KIF13A: variants seen among roughly 807,000 people sequenced by gnomAD.
The protein encoded by KIF13A is kinesin-like protein KIF13A.
KIF13A carries 79 observed loss-of-function variants against 212.2 expected under a neutral mutation model. The ratio of observed to expected loss-of-function variants is 0.37; its 90% CI spans 0.31 to 0.45. The LOEUF is 0.45. KIF13A is among the 20% of genes least tolerant of loss of function. KIF13A has a pLI of 1.00. For missense variants in KIF13A, 1,901 were observed against 2,209.0 expected, an observed-to-expected ratio of 0.86 and a Z score of 2.79; for synonymous variants, 789 against 808.6, an observed-to-expected ratio of 0.98 and a Z score of 0.41.
At chr6:17,910,444 T>A (rs1273420827) in intron 2 of KIF13A, among the ~76,000 whole-genome samples, 1 of 152,206 alleles carries the variant, frequency 6.6e-6, no homozygotes, top group Non-Finnish European at 1.5e-5. Context: ...ACAGCTTGAA[T>A]TTTTGAGTAC....
chr6:17,800,064 G>C lies in KIF13A; in HGVS notation c.2504C>G (p.Pro835Arg), dbSNP rs1369130811. ...VEVMRVTGAVPERVVEDDSSE... is the reference protein window; with the variant it reads ...VEVMRVTGAVRERVVEDDSSE... ...AGAGTCATCCTCCACCACACGCTCTGGAACAGCTCCTGTAACACGCATCAC... is the reference window on the plus strand; with the variant it reads ...AGAGTCATCCTCCACCACACGCTCTCGAACAGCTCCTGTAACACGCATCAC... Residue 835 changes from proline (P) to arginine (R), a missense_variant, in exon 21 of 39, where the codon CCA (proline) becomes CGA (arginine). Pro to Arg is a moderately radical substitution (Grantham distance 103, BLOSUM62 -2). This residue lies in a region of KIF13A where 534 missense variants were observed against 536.9 expected (regional missense o/e 0.99). Coordinates refer to ENST00000259711, the MANE Select transcript of KIF13A (RefSeq NM_022113.6). 1 of 1,613,934 alleles carries C rather than the reference G, an allele frequency of 6.2e-7. No individual in the cohort carries two copies. The highest frequency in any genetic ancestry group is 1.7e-5 in the Admixed American group (1 of 60,012).
intron 2 of KIF13A, among the ~76,000 whole-genome samples, chr6:17,986,692 T>C (rs1206150254): frequency 6.6e-6 from 1 of 152,154 alleles, no homozygotes; most frequent in East Asian, 1.9e-4. Flanking sequence ...AACAATAAGG[T>C]CGTGGGCTGG....
rs921490093 is a variant in KIF13A at position 17,786,694 on chromosome 6, T to C, written c.3362-1053A>G. Among the ~76,000 whole-genome samples the C allele has an allele frequency of 1.3e-5, 2 of 152,210 alleles. No individual in the cohort carries two copies. Among genetic ancestry groups the C allele is most frequent in the African/African-American group, 2.4e-5 (1 of 41,454 alleles). On this transcript the variant is annotated intron_variant, in intron 27 of 38. Transcript: ENST00000259711. The surrounding 1 kb of genome is among the most constrained non-coding windows in gnomAD (Gnocchi z 5.4). ...GAGGCTTATCATGAAAGGGATTTTA[T>C]CTGATATACTTTGAAATCCTCTTAT...
intron 9 of KIF13A, among the ~76,000 whole-genome samples, chr6:17,848,040 G>A (rs1460893066): frequency 6.6e-6 from 1 of 152,034 alleles, no homozygotes; most frequent in Non-Finnish European, 1.5e-5. Context: ...TCAAATTCCT[G>A]ACCTCAGGTG....
In KIF13A at chr6:17,837,380, A is replaced by G; in HGVS notation, c.942+92T>C. 1 of 808,836 alleles carries G rather than the reference A, an allele frequency of 1.2e-6. No individual in the cohort carries two copies. Among genetic ancestry groups the G allele is most frequent in the South Asian group, 1.7e-5 (1 of 60,342 alleles). The allele number at this position is 808,836 out of a possible 1,614,324, so 50.1% of individuals were successfully genotyped here. A position where few individuals can be genotyped will look rare whatever the true frequency, so the allele number is the denominator to read the frequency against. ...ATAACTGTCATCAGGAGAGTTCTTTAGGTATTTGGTTAGCTTTGTACACAC... is the reference window on the plus strand; with the variant it reads ...ATAACTGTCATCAGGAGAGTTCTTTGGGTATTTGGTTAGCTTTGTACACAC... On this transcript the variant is annotated intron_variant, in intron 10 of 38. Transcript: ENST00000259711. The surrounding 1 kb of genome is among the most constrained non-coding windows in gnomAD (Gnocchi z 5.4).
At chr6:17,761,108 G>GA (rs1338072554), downstream of KIF13A, among the ~76,000 whole-genome samples, 1 of 151,944 alleles carries the variant, frequency 6.6e-6, no homozygotes, top group Non-Finnish European at 1.5e-5. Context: ...AAAAATTAAG[G>GA]AAAAAAAGTG....
At chr6:17,881,475 T>A (rs2150451177) in intron 3 of KIF13A, 1 of 427,148 alleles carries the variant, frequency 2.3e-6, no homozygotes, top group East Asian at 7.1e-5. Context: ...GCACAGTGGC[T>A]TATGAGGTCA....
chr6:17,869,774 C>G (rs1207737519), intron 4 of KIF13A, among the ~76,000 whole-genome samples: 2 of 152,226 alleles, frequency 1.3e-5, no homozygotes, highest in Non-Finnish European at 2.9e-5. Flanking sequence ...AGAGCCCTTG[C>G]TTCTCTTTGC....
Position 17,982,945 on chromosome 6 carries a change from C to T in KIF13A, c.146+4109G>A, listed in dbSNP as rs903520439. Among the ~76,000 whole-genome samples the T allele has an allele frequency of 1.3e-5, 2 of 151,746 alleles. No individual in the cohort carries two copies. Among genetic ancestry groups the T allele is most frequent in the East Asian group, 1.9e-4 (1 of 5,172 alleles). ...CAGCACTTTGGGAGGCCGAGGCAGGCGGATTACAAGGTCAGGAGTTTGAGA... is the reference window on the plus strand; with the variant it reads ...CAGCACTTTGGGAGGCCGAGGCAGGTGGATTACAAGGTCAGGAGTTTGAGA... On this transcript the variant is annotated intron_variant, in intron 2 of 38. Coordinates refer to ENST00000259711, the MANE Select transcript of KIF13A (RefSeq NM_022113.6). This position sits in a 1 kb window ranked among gnomAD's most constrained non-coding sequence, Gnocchi z 5.1.
chr6:17,774,666 G>C (rs1368148009), intron 35 of KIF13A, among the ~76,000 whole-genome samples: 1 of 151,934 alleles, frequency 6.6e-6, no homozygotes, highest in Non-Finnish European at 1.5e-5. Flanking sequence ...CCAGCTACTC[G>C]GGAGGCTGAG....
At chr6:17,800,909 T>C (rs9396804) in intron 20 of KIF13A, among the ~76,000 whole-genome samples, 58,029 of 151,306 alleles carry the variant, frequency 0.38, 11,828 homozygotes, top group East Asian at 0.57. Context: ...AATTTTTGTA[T>C]TTTTAGTAAA....
chr6:17,836,478 T>G (rs991683961), intron 11 of KIF13A, among the ~76,000 whole-genome samples: 4 of 152,254 alleles, frequency 2.6e-5, no homozygotes, highest in Non-Finnish European at 5.9e-5. Flanking sequence ...TTACTCATGT[T>G]GGTCCTCACA....
In KIF13A at chr6:17,974,941, A is replaced by G. The variant is rs79117758; in HGVS notation, c.146+12113T>C. Among the ~76,000 whole-genome samples, 858 of 152,354 alleles carry G rather than the reference A, an allele frequency of 5.6e-3. 13 individuals carry two copies. The highest frequency in any genetic ancestry group is 0.019 in the African/African-American group (793 of 41,582). The stretch of plus-strand genomic sequence containing the variant: ...CCACATTGGACAGTGAAGATATAGC[A>G]TATTTCCATCATCTCAGGAAGTTCT... On this transcript the variant is annotated intron_variant, in intron 2 of 38. Transcript: ENST00000259711.
rs1240356422 is a variant in KIF13A at position 17,968,523 on chromosome 6, G to T, written c.146+18531C>A. The stretch of plus-strand genomic sequence containing the variant: ...GGCAGTACAGGAAATGAAACATCCC[G>T]ACCTCACAACTTTGCCTAGGATAGA... On this transcript the variant is annotated intron_variant, in intron 2 of 38. Transcript: ENST00000259711. This position sits in a 1 kb window ranked among gnomAD's most constrained non-coding sequence, Gnocchi z 4.7. Among the ~76,000 whole-genome samples the T allele has an allele frequency of 6.6e-6, 1 of 151,450 alleles. No individual in the cohort carries two copies. The highest frequency in any genetic ancestry group is 2.4e-5 in the African/African-American group (1 of 41,224).
At position 17,800,105 on chromosome 6, in the gene KIF13A, C is replaced by T. The variant is rs1490982042; in HGVS notation, c.2463G>A (p.Gly821=). Reference sequence around the variant, plus strand: ...CACGCATCACTTCCACGTGGAGACGCCCTGCAACCTGGGTCAAGGAACCAG... The same window carrying T: ...CACGCATCACTTCCACGTGGAGACGTCCTGCAACCTGGGTCAAGGAACCAG... ...PIISQQGEVA[G]RLHVEVMRVT... Residue 821 remains glycine (G), a synonymous_variant, in exon 21 of 39, where the codon GGG becomes GGA. Transcript: ENST00000259711. The T allele has an allele frequency of 6.2e-7, 1 of 1,613,492 alleles. No homozygotes were observed. Among genetic ancestry groups the T allele is most frequent in the African/African-American group, 1.3e-5 (1 of 75,020 alleles).
At chr6:17,845,254 C>T (rs1312198990) in intron 9 of KIF13A, among the ~76,000 whole-genome samples, 1 of 152,126 alleles carries the variant, frequency 6.6e-6, no homozygotes, top group Non-Finnish European at 1.5e-5. Flanking sequence ...CCTCCCACAA[C>T]ACGTGGTAAT....
At chr6:17,815,322 G>A (rs1032291427) in intron 17 of KIF13A, among the ~76,000 whole-genome samples, 1 of 152,016 alleles carries the variant, frequency 6.6e-6, no homozygotes, top group Admixed American at 6.5e-5. Context: ...GGATGGCTGC[G>A]GGCGGGCCTG....
At chr6:17,854,446 T>G (rs1767953834) in intron 6 of KIF13A, among the ~76,000 whole-genome samples, 1 of 152,094 alleles carries the variant, frequency 6.6e-6, no homozygotes, top group Admixed American at 6.6e-5. Flanking sequence ...CCTTAGTGAT[T>G]ATTTTTGAAT....
At chr6:17,933,691 A>G (rs998313686) in intron 2 of KIF13A, among the ~76,000 whole-genome samples, 1 of 152,204 alleles carries the variant, frequency 6.6e-6, no homozygotes, top group African/African-American at 2.4e-5. Context: ...CAGTTCCAAA[A>G]GCAACTACTT....
Sources: gnomAD v4.1 joint callset for allele counts (sites outside exome capture counted in the v4.1 genomes callset) on GRCh38, gnomAD v4.1.1 for gene constraint, gnomAD v4.1.1 regional missense constraint, Gnocchi (gnomAD v3.1) non-coding constraint, MANE v1.5 for transcripts, NCBI Gene and HGNC (gene_info 2026-07-23, HGNC 2026-07-21) for gene names.